Variants in RIPOR2 observed in about 807,000 individuals in gnomAD.
RIPOR2 encodes the protein rho family-interacting cell polarization regulator 2.
Under a neutral mutation model 114.5 loss-of-function variants are expected in RIPOR2, and 39 were observed. That is an observed-to-expected ratio of 0.34 (90% CI 0.26 to 0.44). RIPOR2 has a LOEUF of 0.44. RIPOR2 is among the 20% of genes least tolerant of loss of function. RIPOR2 has a pLI of 1.00. For missense variants in RIPOR2, 1,007 were observed against 1,255.1 expected (o/e 0.80, Z 2.99); for synonymous variants, 445 against 484.4 (o/e 0.92, Z 1.07).
intron 1 of RIPOR2, among the ~76,000 whole-genome samples, chr6:25,007,875 C>A (rs981424626): frequency 2.0e-5 from 3 of 152,054 alleles, no homozygotes; most frequent in Admixed American, 6.5e-5. Context: ...AATAAGCATG[C>A]TGTAGCCCCA....
chr6:24,840,137 G>T, intron 13 of RIPOR2: 2 of 776,402 alleles, frequency 2.6e-6, no homozygotes, highest in Non-Finnish European at 3.1e-6. Context: ...TTATTGCAGA[G>T]ACAGGGTCTC....
At chr6:24,970,996 T>A (rs1307333022) in intron 1 of RIPOR2, among the ~76,000 whole-genome samples, 1 of 152,168 alleles carries the variant, frequency 6.6e-6, no homozygotes. Context: ...GAGATAATCA[T>A]CATGTAAAGC....
rs72839913 is a variant in RIPOR2, at chr6:24,841,580, T to G, written c.1857+1282A>C. 3.9e-3 allele frequency among the ~76,000 whole-genome samples: 593 copies of G among 151,302 alleles called. 2 individuals are homozygous for G. The highest frequency in any genetic ancestry group is 5.0e-3 in the Non-Finnish European group (340 of 67,930). ...AAAGCCTTGGAAATGTAGTTTCAGA[T>G]GCCACTGGGCAGGCTACATATAAAA... On this transcript the variant is annotated intron_variant, in intron 13 of 21. Coordinates refer to ENST00000643898, the MANE Select transcript of RIPOR2 (RefSeq NM_001286445.3).
intron 1 of RIPOR2, among the ~76,000 whole-genome samples, chr6:24,901,181 G>A (rs1768404504): frequency 6.6e-6 from 1 of 151,994 alleles, no homozygotes; most frequent in Admixed American, 6.6e-5. Context: ...TTATAAAGGA[G>A]TGAAACTAGT....
chr6:24,993,636 G>T (rs1357189523), intron 1 of RIPOR2, among the ~76,000 whole-genome samples: 1 of 152,250 alleles, frequency 6.6e-6, no homozygotes, highest in Non-Finnish European at 1.5e-5. Flanking sequence ...ATGTGCCTGT[G>T]CACATGCTCA....
intron 1 of RIPOR2, among the ~76,000 whole-genome samples, chr6:24,928,332 T>A (rs1771119160): frequency 6.6e-6 from 1 of 152,208 alleles, no homozygotes; most frequent in Non-Finnish European, 1.5e-5. Flanking sequence ...TTTGGTATAT[T>A]TTTTTAAATA....
intron 1 of RIPOR2, among the ~76,000 whole-genome samples, chr6:24,952,954 G>T (rs1436387241): frequency 4.6e-5 from 7 of 152,222 alleles, no homozygotes; most frequent in African/African-American, 1.2e-4. Flanking sequence ...AACCTGTTAT[G>T]CACTGAATGT....
At chr6:24,894,819 A>G (rs537058687) in intron 1 of RIPOR2, among the ~76,000 whole-genome samples, 1 of 152,322 alleles carries the variant, frequency 6.6e-6, no homozygotes, top group South Asian at 2.1e-4. Flanking sequence ...TCAGAGAGTA[A>G]CATCCCACAC....
At chr6:24,890,818 C>A (rs913628148) in intron 1 of RIPOR2, among the ~76,000 whole-genome samples, 2 of 145,588 alleles carry the variant, frequency 1.4e-5, no homozygotes, top group Non-Finnish European at 3.0e-5. Flanking sequence ...CCACTCCCAG[C>A]GAATTTTTAA....
rs1483014027 is a variant in RIPOR2 at position 24,890,292 on chromosome 6, A to G, written c.62-14475T>C. Among the ~76,000 whole-genome samples, 6 of 152,240 alleles carry G rather than the reference A, an allele frequency of 3.9e-5. No homozygotes were observed. In the East Asian group the frequency reaches 1.2e-3, roughly 29 times the overall value. On this transcript the variant is annotated intron_variant, in intron 1 of 21. Transcript: ENST00000643898. ...GTTGATTTGATAAAGAAAATGTGGT[A>G]TATATACACAATACAATACTATTCA...
intron 1 of RIPOR2, chr6:24,910,910 C>G (rs1321839994): frequency 2.0e-6 from 2 of 985,294 alleles, no homozygotes; most frequent in East Asian, 1.1e-4. Context: ...CGGAGCTGCC[C>G]GCACCTCCGG....
intron 8 of RIPOR2, among the ~76,000 whole-genome samples, chr6:24,856,041 A>G (rs964492849): frequency 3.9e-5 from 6 of 152,264 alleles, no homozygotes; most frequent in African/African-American, 1.2e-4. Flanking sequence ...AAAACAAAGC[A>G]AAAAACCCAG....
Position 24,967,863 on chromosome 6 carries a change from C to G in RIPOR2, c.76+73988G>C, listed in dbSNP as rs533323458. Among the ~76,000 whole-genome samples the G allele has an allele frequency of 1.3e-4, 19 of 149,818 alleles. No homozygotes were observed. The South Asian group carries it at 4.0e-3, about 32-fold the overall frequency. On this transcript the variant is annotated intron_variant, in intron 1 of 13. Transcript: ENST00000510784. ...GAGTTGTGATCAGAGCCCAGGTCTT[C>G]AGACCTGAGACCATGGACCACCTGT...
rs1352930608 is a variant in RIPOR2 at position 24,837,278 on chromosome 6, A to T, written c.2040-1407T>A. ...ACTAGGACTACAGGCGTACACCACC[A>T]TGCCTGGCTAATTTTTGTATTTTTA... On this transcript the variant is annotated intron_variant, in intron 14 of 21. Transcript: ENST00000643898. 3.3e-5 allele frequency among the ~76,000 whole-genome samples: 5 copies of T among 152,054 alleles called. No individual in the cohort carries two copies. In the East Asian group the frequency reaches 9.6e-4, roughly 29 times the overall value.
At chr6:25,015,603 CT>C (rs1354822071) in intron 1 of RIPOR2, 1 of 152,190 alleles carries the variant, frequency 6.6e-6, no homozygotes, top group African/African-American at 2.4e-5. Flanking sequence ...AATTCAGTCA[CT>C]TTTACCAAAT....
intron 7 of RIPOR2, among the ~76,000 whole-genome samples, chr6:24,862,511 T>A (rs1481936793): frequency 6.6e-6 from 1 of 152,216 alleles, no homozygotes; most frequent in East Asian, 1.9e-4. Context: ...AGAATGGCAT[T>A]GCTTTTTCCC....
intron 1 of RIPOR2, among the ~76,000 whole-genome samples, chr6:24,963,565 A>G (rs1425760869): frequency 2.0e-5 from 3 of 152,352 alleles, no homozygotes; most frequent in Middle Eastern, 3.4e-3. Context: ...ACATATATAC[A>G]TATACACCAA....
intron 1 of RIPOR2, among the ~76,000 whole-genome samples, chr6:24,998,559 T>G (rs1047463380): frequency 2.0e-5 from 3 of 152,240 alleles, no homozygotes; most frequent in African/African-American, 7.2e-5. Flanking sequence ...CTGATTCCTT[T>G]GTTTCCATGT....
At chr6:25,018,204 C>T (rs1329379295) in intron 1 of RIPOR2, among the ~76,000 whole-genome samples, 1 of 152,182 alleles carries the variant, frequency 6.6e-6, no homozygotes, top group East Asian at 1.9e-4. Context: ...CTGAACTGAC[C>T]TTGCAATTTC....
Sources: allele counts gnomAD v4.1 joint callset (sites outside exome capture counted in the v4.1 genomes callset), GRCh38; gene constraint gnomAD v4.1.1; transcripts MANE v1.5; gene names NCBI Gene and HGNC (gene_info 2026-07-23, HGNC 2026-07-21).